Variants in G2E3 observed in about 807,000 individuals in gnomAD.
G2E3 encodes the protein G2/M phase-specific E3 ubiquitin-protein ligase.
G2E3 carries 35 observed loss-of-function variants against 92.8 expected under a neutral mutation model. That is an observed-to-expected ratio of 0.38 (90% CI 0.29 to 0.50). The LOEUF (loss-of-function observed/expected upper bound fraction) is 0.50, where lower values mean the gene tolerates loss of function less well. Ranked by LOEUF, G2E3 falls within the 20% of genes least tolerant of loss-of-function variation. The pLI is 0.94. For missense variants in G2E3, 554 were observed against 823.8 expected (o/e 0.67, Z 4.01); for synonymous variants, 242 against 272.4 (o/e 0.89, Z 1.10).
At chr14:30,567,803 T>A (rs958362227) in intron 1 of G2E3, among the ~76,000 whole-genome samples, 1 of 152,082 alleles carries the variant, frequency 6.6e-6, no homozygotes, top group Non-Finnish European at 1.5e-5. Context: ...TTTTGACTTT[T>A]TGTCTATTTA....
intron 2 of G2E3, among the ~76,000 whole-genome samples, chr14:30,584,826 CTTT>C (rs11322769): frequency 4.0e-5 from 3 of 75,372 alleles, no homozygotes; most frequent in African/African-American, 5.7e-5. Context: ...TGATAGTGTC[CTTT>C]TTTTTTTTTT....
At chr14:30,596,625 A>G (rs1881304793) in intron 6 of G2E3, among the ~76,000 whole-genome samples, 1 of 152,194 alleles carries the variant, frequency 6.6e-6, no homozygotes, top group Non-Finnish European at 1.5e-5. Context: ...TTATCAGTAT[A>G]GACTTAGGTA....
At chr14:30,607,833 T>C in intron 11 of G2E3, 55 bp from the exon 12 acceptor site, 1 of 890,036 alleles carries the variant, frequency 1.1e-6, no homozygotes, top group Non-Finnish European at 1.7e-6. Context: ...TAAAAAATGA[T>C]GGTTATCTTA....
chr14:30,595,940 C>G (rs907950090), intron 6 of G2E3, among the ~76,000 whole-genome samples: 1 of 152,066 alleles, frequency 6.6e-6, no homozygotes, highest in African/African-American at 2.4e-5. Flanking sequence ...CATCATTGCT[C>G]TAGTCTTGTT....
At chr14:30,567,273 T>A (rs1419417969) in intron 1 of G2E3, among the ~76,000 whole-genome samples, 1 of 152,144 alleles carries the variant, frequency 6.6e-6, no homozygotes, top group Non-Finnish European at 1.5e-5. Flanking sequence ...TTTAATAGGG[T>A]TCACCAGTGA....
intron 1 of G2E3, chr14:30,559,889 A>C (rs1275179946): frequency 1.3e-5 from 2 of 152,086 alleles, no homozygotes; most frequent in Non-Finnish European, 2.9e-5. Context: ...GACATTTTTC[A>C]TGTACCGCAA....
intron 1 of G2E3, among the ~76,000 whole-genome samples, chr14:30,575,228 GA>G (rs1880006006): frequency 6.6e-6 from 1 of 151,994 alleles, no homozygotes; most frequent in African/African-American, 2.4e-5. Context: ...GTCTTCTTTT[GA>G]GAAGTATCTG....
chr14:30,585,967 A>G (rs1406540385), intron 2 of G2E3, among the ~76,000 whole-genome samples: 1 of 152,118 alleles, frequency 6.6e-6, no homozygotes, highest in Non-Finnish European at 1.5e-5. Flanking sequence ...TTATTCCCTC[A>G]TGTACCCTCT....
chr14:30,614,603 G>A (rs960518310), intron 13 of G2E3, among the ~76,000 whole-genome samples: 5 of 152,298 alleles, frequency 3.3e-5, no homozygotes, highest in Non-Finnish European at 2.9e-5. Context: ...TTCAACATGA[G>A]TTTCGAAGGA....
chr14:30,579,867 G>C (rs1002460683), intron 1 of G2E3, among the ~76,000 whole-genome samples: 2 of 152,140 alleles, frequency 1.3e-5, no homozygotes, highest in Admixed American at 1.3e-4. Context: ...CCAAGAGATT[G>C]CACATACATT....
chr14:30,560,656 TTTTTCTACCTGAATTA>T lies in G2E3; in HGVS notation c.-5+1390_-5+1405del, dbSNP rs1477807253. 9.8e-6 allele frequency: 6 copies of T among 612,188 alleles called. No homozygotes were observed. The Admixed American group carries it at 1.5e-4, about 15-fold the overall frequency. 37.9% of individuals were successfully genotyped at this position (612,188 alleles called of 1,614,324 possible). On this transcript the variant is annotated intron_variant, in intron 1 of 14. Transcript: ENST00000206595. ...ATCGCTATATCCTAATCTCTTTATT[TTTTTCTACCTGAATTA>T]TTTTCATTGGATTTTTGCTCTTTCT...
intron 2 of G2E3, among the ~76,000 whole-genome samples, chr14:30,585,822 C>T (rs1024770180): frequency 2.0e-5 from 3 of 151,962 alleles, no homozygotes; most frequent in African/African-American, 7.3e-5. Context: ...TTAACATAGG[C>T]TTGCATGAGC....
intron 2 of G2E3, among the ~76,000 whole-genome samples, chr14:30,582,869 C>T (rs1880510610): frequency 6.6e-6 from 1 of 152,150 alleles, no homozygotes; most frequent in Non-Finnish European, 1.5e-5. Context: ...AATACGAGCT[C>T]ATCTTATTTC....
At chr14:30,590,694 T>C (rs1340301828) in intron 4 of G2E3, 1 of 455,810 alleles carries the variant, frequency 2.2e-6, no homozygotes, top group Non-Finnish European at 4.4e-6. Flanking sequence ...AAACAGAGGT[T>C]CTAGGGCACA....
intron 8 of G2E3, among the ~76,000 whole-genome samples, chr14:30,600,094 AG>A (rs1881492789): frequency 6.6e-6 from 1 of 152,250 alleles, no homozygotes; most frequent in Admixed American, 6.5e-5. Flanking sequence ...AAATTTATAT[AG>A]GAAATTTCAA....
At chr14:30,586,696 C>A (rs1555338783) in intron 2 of G2E3, 22 bp from the exon 3 acceptor site, 17 of 781,636 alleles carry the variant, frequency 2.2e-5, no homozygotes, top group Non-Finnish European at 2.7e-5. Flanking sequence ...ATTTTTATAT[C>A]TATTTACTTT....
chr14:30,594,946 T>A (rs1168145002), intron 6 of G2E3, among the ~76,000 whole-genome samples: 1 of 149,894 alleles, frequency 6.7e-6, no homozygotes, highest in Non-Finnish European at 1.5e-5. Flanking sequence ...ATGGCCAACA[T>A]GGTGAAACCC....
intron 12 of G2E3, chr14:30,611,478 G>C (rs531935877): frequency 7.9e-5 from 12 of 152,304 alleles, no homozygotes; most frequent in Admixed American, 6.5e-4. Flanking sequence ...GTACCTTTAA[G>C]AGCTAACCTG....
At chr14:30,597,338 ATAGC>A in intron 6 of G2E3, 78 bp from the exon 7 acceptor site, 1 of 771,660 alleles carries the variant, frequency 1.3e-6, no homozygotes, top group Non-Finnish European at 2.3e-6. Flanking sequence ...ATTGTTAAAA[ATAGC>A]ACATGTTCTG....
Sources: allele counts gnomAD v4.1 joint callset (sites outside exome capture counted in the v4.1 genomes callset), GRCh38; gene constraint gnomAD v4.1.1; transcripts MANE v1.5; gene names NCBI Gene and HGNC (gene_info 2026-07-23, HGNC 2026-07-21).